The following GALNT13 variants were observed in gnomAD, a reference collection of about 807,000 sequenced individuals.
GALNT13 encodes polypeptide N-acetylgalactosaminyltransferase 13, also known as UDP-GalNAc:polypeptide N-acetylgalactosaminyltransferase 13.
In GALNT13, 28 loss-of-function variants were observed where a neutral mutation model predicts 64.2. That is an observed-to-expected ratio of 0.44 (90% CI 0.32 to 0.60). The LOEUF is 0.60. Among genes scored for constraint, GALNT13 ranks in the 20% least tolerant of loss-of-function variants. The pLI is 0.05. For missense variants in GALNT13, 577 were observed against 669.8 expected (o/e 0.86, Z 1.53); for synonymous variants, 214 against 224.6 (o/e 0.95, Z 0.42).
At chr2:153,342,435 T>C in the GALNT13 span, among the ~76,000 whole-genome samples, 1 of 152,230 alleles carries the variant, frequency 6.6e-6, no homozygotes, top group Non-Finnish European at 1.5e-5. Flanking sequence ...AAGAGTTTCC[T>C]AATGAGCAGT....
chr2:154,418,053 T>C (rs996373059), intron 11 of GALNT13, among the ~76,000 whole-genome samples: 1 of 152,174 alleles, frequency 6.6e-6, no homozygotes, highest in African/African-American at 2.4e-5. Context: ...AATTGTAGTC[T>C]TTTTTGGAAG....
chr2:153,367,426 A>T, the GALNT13 span, among the ~76,000 whole-genome samples: 1 of 152,102 alleles, frequency 6.6e-6, no homozygotes, highest in Non-Finnish European at 1.5e-5. Flanking sequence ...AATCCCTGGA[A>T]TTTTTGACTG....
chr2:154,150,403 T>C (rs1683918615), intron 4 of GALNT13, among the ~76,000 whole-genome samples: 1 of 152,266 alleles, frequency 6.6e-6, no homozygotes, highest in Non-Finnish European at 1.5e-5. Flanking sequence ...TTTGGTTGTG[T>C]CTCTGCCCGG....
At chr2:153,384,805 A>G in the GALNT13 span, among the ~76,000 whole-genome samples, 1 of 151,998 alleles carries the variant, frequency 6.6e-6, no homozygotes. Flanking sequence ...CTTTTTTTCA[A>G]ATTAATTCAA....
At chr2:154,019,090 T>A (rs937690654) in intron 3 of GALNT13, among the ~76,000 whole-genome samples, 8 of 152,102 alleles carry the variant, frequency 5.3e-5, no homozygotes, top group Non-Finnish European at 1.0e-4. Context: ...TGCCTCTTTT[T>A]ATTCCTTGAT....
At chr2:153,954,728 T>A (rs1203813140) in intron 3 of GALNT13, among the ~76,000 whole-genome samples, 3 of 151,964 alleles carry the variant, frequency 2.0e-5, no homozygotes, top group Non-Finnish European at 2.9e-5. Flanking sequence ...ACTATTATTA[T>A]ACCCATTTAC....
intron 9 of GALNT13, among the ~76,000 whole-genome samples, chr2:154,379,085 C>A (rs1698140569): frequency 6.6e-6 from 1 of 151,908 alleles, no homozygotes; most frequent in African/African-American, 2.4e-5. Context: ...ATAATGTGTG[C>A]TTAATAAATG....
chr2:154,134,988 AAAAC>A (rs1042407349), intron 3 of GALNT13, among the ~76,000 whole-genome samples: 11 of 152,228 alleles, frequency 7.2e-5, no homozygotes, highest in Non-Finnish European at 7.3e-5. Flanking sequence ...TCCGTCTCAA[AAAAC>A]AAACAAACAA....
At chr2:153,326,171 T>A in the GALNT13 span, among the ~76,000 whole-genome samples, 1 of 152,214 alleles carries the variant, frequency 6.6e-6, no homozygotes, top group African/African-American at 2.4e-5. Flanking sequence ...CTGTACTGGG[T>A]GCATATATAT....
At chr2:153,577,204 A>G in the GALNT13 span, among the ~76,000 whole-genome samples, 5 of 152,178 alleles carry the variant, frequency 3.3e-5, no homozygotes, top group African/African-American at 1.2e-4. Context: ...GAAATGTTTA[A>G]GGTATAAATT....
chr2:154,310,091 A>G (rs1693950957), intron 9 of GALNT13, among the ~76,000 whole-genome samples: 1 of 152,214 alleles, frequency 6.6e-6, no homozygotes, highest in Non-Finnish European at 1.5e-5. Context: ...GTTAATGAAT[A>G]CTGCCACCTT....
chr2:153,377,820 C>G, the GALNT13 span, among the ~76,000 whole-genome samples: 1 of 152,132 alleles, frequency 6.6e-6, no homozygotes, highest in Non-Finnish European at 1.5e-5. Context: ...GCATTCACAT[C>G]CATACAGAGC....
chr2:153,827,503 T>C, the GALNT13 span, among the ~76,000 whole-genome samples: 1 of 152,006 alleles, frequency 6.6e-6, no homozygotes, highest in Admixed American at 6.6e-5. Flanking sequence ...TGGACACCTG[T>C]AGTCCCAGCT....
the GALNT13 span, among the ~76,000 whole-genome samples, chr2:153,861,010 C>T: frequency 6.6e-6 from 1 of 152,154 alleles, no homozygotes; most frequent in African/African-American, 2.4e-5. Flanking sequence ...TGATATGTAT[C>T]TAAAGAGTTC....
At chr2:153,698,269 T>A in the GALNT13 span, among the ~76,000 whole-genome samples, 1 of 152,100 alleles carries the variant, frequency 6.6e-6, no homozygotes, top group African/African-American at 2.4e-5. Context: ...GTAAATGGGC[T>A]AAATGCCCCA....
chr2:154,303,709 A>G (rs1693576793), intron 9 of GALNT13, among the ~76,000 whole-genome samples: 1 of 152,134 alleles, frequency 6.6e-6, no homozygotes, highest in South Asian at 2.1e-4. Flanking sequence ...CATGATAGGA[A>G]CTTGGACAAG....
Position 154,237,377 on chromosome 2 carries a change from G to A in GALNT13, c.312-4653G>A, listed in dbSNP as rs1287906496. 3.3e-5 allele frequency among the ~76,000 whole-genome samples: 5 copies of A among 151,404 alleles called. No individual in the cohort carries two copies. The South Asian group carries it at 1.0e-3, about 31-fold the overall frequency. ...AAATTGTCTTGTCTCAAGTAGAATAGATTATTAGCCAAGTTCTATCTATTT... is the reference window on the plus strand; with the variant it reads ...AAATTGTCTTGTCTCAAGTAGAATAAATTATTAGCCAAGTTCTATCTATTT... On this transcript the variant is annotated intron_variant, in intron 4 of 12. Transcript: ENST00000392825.
chr2:154,260,578 C>T (rs1465410548), intron 8 of GALNT13, among the ~76,000 whole-genome samples: 1 of 152,102 alleles, frequency 6.6e-6, no homozygotes, highest in African/African-American at 2.4e-5. Flanking sequence ...ATGAAACTTG[C>T]CAAACCAAAC....
At chr2:153,652,623 G>GA in the GALNT13 span, among the ~76,000 whole-genome samples, 2 of 152,070 alleles carry the variant, frequency 1.3e-5, no homozygotes, top group Non-Finnish European at 2.9e-5. Context: ...TCAAAAAAAG[G>GA]AAAAAAATTA....
Sources: gnomAD v4.1 joint callset for allele counts (sites outside exome capture counted in the v4.1 genomes callset) on GRCh38, gnomAD v4.1.1 for gene constraint, MANE v1.5 for transcripts, NCBI Gene and HGNC (gene_info 2026-07-23, HGNC 2026-07-21) for gene names.